SPRED2: variants seen among roughly 807,000 people sequenced by gnomAD.
SPRED2 encodes sprouty-related, EVH1 domain-containing protein 2.
A neutral mutation model predicts 43.0 loss-of-function variants in SPRED2; 47 were observed. That is an observed-to-expected ratio of 1.09 (90% CI 0.87 to 1.40). The LOEUF is 1.40. Ranked by LOEUF, SPRED2 falls within the 40% of genes most tolerant of loss-of-function variation. The pLI is 0.00. For synonymous variants in SPRED2, 225 were observed against 225.7 expected (o/e 1.00, Z 0.03); for missense variants, 561 against 586.4 (o/e 0.96, Z 0.45).
chr2:65,431,973 T>C lies in SPRED2; in HGVS notation c.15A>G (p.Thr5=). 2.5e-6 allele frequency: 4 copies of C among 1,613,640 alleles called. No individual in the cohort carries two copies. Among genetic ancestry groups the C allele is most frequent in the African/African-American group, 1.3e-5 (1 of 74,984 alleles). The change falls in exon 1 of 6, where the codon ACA becomes ACG. Residue 5 remains threonine (T), a synonymous_variant. Coordinates refer to ENST00000356388, the MANE Select transcript of SPRED2 (RefSeq NM_181784.3). MTEE[T]HPDDDSYIVR... ...GCGACCAAACTTACTCGTCTGGGTG[T>C]GTTTCTTCGGTCATTTTCTTGTTCA...
chr2:65,411,674 G>T (rs945494024), intron 1 of SPRED2, among the ~76,000 whole-genome samples: 1 of 152,152 alleles, frequency 6.6e-6, no homozygotes, highest in African/African-American at 2.4e-5. Flanking sequence ...GCTGACCTTT[G>T]GAACGCTGGT....
chr2:65,340,550 ACTC>A lies in SPRED2; in HGVS notation c.204+4166_204+4168del, dbSNP rs1674146737. Among the ~76,000 whole-genome samples, 7 of 152,264 alleles carry A rather than the reference ACTC, an allele frequency of 4.6e-5. No individual in the cohort carries two copies. The South Asian group carries it at 1.4e-3, about 32-fold the overall frequency. On this transcript the variant is annotated intron_variant, in intron 2 of 5. Transcript: ENST00000356388. ...CTCATAAGATTTGTTTCAGGAGTAA[ACTC>A]CTCTAATCCATCTAAAAATGAGATT...
Position 65,352,579 on chromosome 2 carries a change from C to T in SPRED2, c.27-7683G>A, listed in dbSNP as rs562782454. On this transcript the variant is annotated intron_variant, in intron 1 of 5. Transcript: ENST00000356388. ...GGTGCTGTAGCTAATCTTGCTCGTG[C>T]AGAGTAACCCCTACCCTTAGAGGAC... 5.9e-5 allele frequency among the ~76,000 whole-genome samples: 9 copies of T among 152,356 alleles called. No homozygotes were observed. The South Asian group carries it at 1.7e-3, about 28-fold the overall frequency.
chr2:65,313,270 G>C lies in SPRED2; in HGVS notation c.*231C>G. 7.2e-7 allele frequency: 1 copy of C among 1,380,646 alleles called. No homozygotes were observed. The highest frequency in any genetic ancestry group is 1.4e-5 in the African/African-American group (1 of 69,050). The allele number at this position is 1,380,646 out of a possible 1,614,324, so 85.5% of individuals were successfully genotyped here. On this transcript the variant is annotated 3_prime_UTR_variant, in exon 6 of 6. Coordinates refer to ENST00000356388, the MANE Select transcript of SPRED2 (RefSeq NM_181784.3). The stretch of plus-strand genomic sequence containing the variant: ...GCGAAGGTTCCTTCCTCAGAACACT[G>C]TGCGAGCGTGTGTGTATGGATGTGG...
chr2:65,366,858 G>T, intron 1 of SPRED2: 1 of 1,100,752 alleles, frequency 9.1e-7, no homozygotes, highest in Non-Finnish European at 1.2e-6. Context: ...CTCAAAAGTG[G>T]AAACTGGAAG....
At chr2:65,323,080 C>T (rs948865358) in intron 4 of SPRED2, among the ~76,000 whole-genome samples, 1 of 152,192 alleles carries the variant, frequency 6.6e-6, no homozygotes, top group East Asian at 1.9e-4. Flanking sequence ...CCGCAACCTC[C>T]GCCTCCTGGG....
At chr2:65,389,155 G>A (rs1390799302) in intron 1 of SPRED2, among the ~76,000 whole-genome samples, 1 of 151,982 alleles carries the variant, frequency 6.6e-6, no homozygotes, top group African/African-American at 2.4e-5. Context: ...CATCTGGCCA[G>A]GCCCGAGAGT....
downstream of SPRED2, among the ~76,000 whole-genome samples, chr2:65,310,498 CACACACAT>C (rs1198449994): frequency 1.5e-4 from 22 of 145,368 alleles, 3 homozygotes; most frequent in Admixed American, 1.4e-3. Flanking sequence ...CACACACACA[CACACACAT>C]ATCCCTGAGG....
downstream of SPRED2, among the ~76,000 whole-genome samples, chr2:65,308,111 G>A (rs977300559): frequency 6.6e-6 from 1 of 152,218 alleles, no homozygotes; most frequent in Non-Finnish European, 1.5e-5. Context: ...CACCATTCAG[G>A]GAAGTGGGTA....
At chr2:65,320,989 C>T (rs1360519952) in intron 4 of SPRED2, among the ~76,000 whole-genome samples, 2 of 152,190 alleles carry the variant, frequency 1.3e-5, no homozygotes, top group Admixed American at 1.3e-4. Context: ...TACCAACCTA[C>T]CAATCTGAAA....
intron 1 of SPRED2, among the ~76,000 whole-genome samples, chr2:65,424,253 C>T (rs1160314161): frequency 6.6e-6 from 1 of 152,018 alleles, no homozygotes; most frequent in Non-Finnish European, 1.5e-5. Context: ...TCATGGCAGC[C>T]TCTCCTTTAG....
chr2:65,366,762 A>G, intron 1 of SPRED2: 2 of 1,423,206 alleles, frequency 1.4e-6, no homozygotes, highest in South Asian at 1.6e-5. Flanking sequence ...TGACAAATAT[A>G]CTGCATTGTA....
intron 1 of SPRED2, among the ~76,000 whole-genome samples, chr2:65,356,081 T>C (rs374468672): frequency 1.1e-4 from 17 of 152,360 alleles, no homozygotes; most frequent in Non-Finnish European, 2.4e-4. Flanking sequence ...GGCTTTAAAT[T>C]GCAGCCCTTG....
rs58209803 is a variant in SPRED2 at position 65,402,278 on chromosome 2, C to CA, written c.26+29683dup. On this transcript the variant is annotated intron_variant, in intron 1 of 5. Coordinates refer to ENST00000356388, the MANE Select transcript of SPRED2 (RefSeq NM_181784.3). Reference sequence around the variant, plus strand: ...TGGGAGACAGAGTGAGACTCTGTCTCAAAAAAAAAAAAAAAAAAAAAAAAA... The same window carrying CA: ...TGGGAGACAGAGTGAGACTCTGTCTCAAAAAAAAAAAAAAAAAAAAAAAAAA... Among the ~76,000 whole-genome samples the CA allele has an allele frequency of 4.6e-3, 295 of 64,386 alleles. 9 individuals carry two copies. Among genetic ancestry groups the CA allele is most frequent in the African/African-American group, 0.016 (226 of 14,028 alleles). 42.2% of individuals were successfully genotyped at this position (64,386 alleles called of 152,430 possible). A position where few individuals can be genotyped will look rare whatever the true frequency, so the allele number is the denominator to read the frequency against.
At chr2:65,378,169 G>A (rs1675289664) in intron 1 of SPRED2, 1 of 154,668 alleles carries the variant, frequency 6.5e-6, no homozygotes, top group African/African-American at 2.4e-5. Context: ...TGGGGTTAAA[G>A]TCAAACTACT....
At chr2:65,308,792 A>C (rs886654247), downstream of SPRED2, among the ~76,000 whole-genome samples, 2 of 152,238 alleles carry the variant, frequency 1.3e-5, no homozygotes, top group African/African-American at 4.8e-5. Context: ...TTATGGAGTT[A>C]GGTGTAGTCG....
At chr2:65,328,753 G>A (rs1480080318) in intron 4 of SPRED2, among the ~76,000 whole-genome samples, 2 of 152,038 alleles carry the variant, frequency 1.3e-5, no homozygotes, top group African/African-American at 4.8e-5. Flanking sequence ...CCAAACACAG[G>A]GATCACATGC....
At position 65,310,974 on chromosome 2, in the gene SPRED2, T is replaced by TA; in HGVS notation, c.*2526_*2527insT. ...TGTACATCATACACTTGTATATATA[T>TA]TTTTTACACAGAGGTAAAAAGGCTT... On this transcript the variant is annotated 3_prime_UTR_variant, in exon 6 of 6. Coordinates refer to ENST00000356388, the MANE Select transcript of SPRED2 (RefSeq NM_181784.3). 4.1e-6 allele frequency: 4 copies of TA among 982,126 alleles called. No homozygotes were observed. The highest frequency in any genetic ancestry group is 4.8e-6 in the Non-Finnish European group (4 of 826,558). The allele number at this position is 982,126 out of a possible 1,614,324, so 60.8% of individuals were successfully genotyped here. A position where few individuals can be genotyped will look rare whatever the true frequency, so the allele number is the denominator to read the frequency against.
chr2:65,407,377 C>T (rs1057345619), intron 1 of SPRED2, among the ~76,000 whole-genome samples: 4 of 148,170 alleles, frequency 2.7e-5, no homozygotes, highest in Non-Finnish European at 5.9e-5. Flanking sequence ...TGTGTGTGTG[C>T]GTGTGTTGTG....
Sources: allele counts gnomAD v4.1 joint callset (sites outside exome capture counted in the v4.1 genomes callset), GRCh38; gene constraint gnomAD v4.1.1; transcripts MANE v1.5; gene names NCBI Gene and HGNC (gene_info 2026-07-23, HGNC 2026-07-21).